Variants in HMGA1 observed in about 807,000 individuals in gnomAD.
The protein encoded by HMGA1 is high mobility group protein HMG-I/HMG-Y.
Under a neutral mutation model 15.1 loss-of-function variants are expected in HMGA1, and 1 was observed. The observed-to-expected ratio is 0.07, with a 90% CI of 0.02 to 0.31. The LOEUF is 0.31. Ranked by LOEUF, HMGA1 falls within the 10% of genes least tolerant of loss-of-function variation. HMGA1 has a pLI of 1.00. For synonymous variants in HMGA1, 56 were observed against 54.8 expected, an observed-to-expected ratio of 1.02 and a Z score of -0.10; for missense variants, 94 against 141.4, an observed-to-expected ratio of 0.66 and a Z score of 1.70.
At chr6:34,238,045 T>C (rs118012224) in intron 2 of HMGA1, among the ~76,000 whole-genome samples, 3,355 of 152,232 alleles carry the variant, frequency 0.022, 338 homozygotes, top group Admixed American at 0.17. Context: ...GTTTCTATTT[T>C]ATTTTCTTCT....
At position 34,246,192 on chromosome 6, in the gene HMGA1, A is replaced by T. The variant is rs919712523; in HGVS notation, c.*1308A>T. 10 of 264,330 alleles carry T rather than the reference A, an allele frequency of 3.8e-5. No individual in the cohort carries two copies. Among genetic ancestry groups the T allele is most frequent in the Non-Finnish European group, 7.2e-5 (10 of 138,650 alleles). The allele number at this position is 264,330 out of a possible 1,614,324, so 16.4% of individuals were successfully genotyped here. On this transcript the variant is annotated 3_prime_UTR_variant, in exon 6 of 6. Coordinates refer to ENST00000311487, the MANE Select transcript of HMGA1 (RefSeq NM_145899.3). ...CCTGGGGCTCCCTCTCTGGTTTCCT[A>T]TTTGCAGTTACTTGAATAAAAAAAA...
In HMGA1 at chr6:34,245,473, C is replaced by A; in HGVS notation, c.*589C>A. ...CACGTGGGGCTCACTTTTCATCCTT[C>A]CCCAACTTCCCTAGTCCCCGTACTA... On this transcript the variant is annotated 3_prime_UTR_variant, in exon 6 of 6. Transcript: ENST00000311487. 1.4e-6 allele frequency: 2 copies of A among 1,379,418 alleles called. No homozygotes were observed. The highest frequency in any genetic ancestry group is 1.9e-6 in the Non-Finnish European group (2 of 1,037,776). 85.4% of individuals were successfully genotyped at this position (1,379,418 alleles called of 1,614,324 possible).
At chr6:34,241,827 C>T (rs566242275) in intron 3 of HMGA1, among the ~76,000 whole-genome samples, 2 of 152,306 alleles carry the variant, frequency 1.3e-5, no homozygotes, top group East Asian at 1.9e-4. Context: ...CCTGTCCGTA[C>T]GGTGGAGAGT....
chr6:34,243,293 C>T (rs913924373), intron 4 of HMGA1, among the ~76,000 whole-genome samples, 175 bp from the exon 5 acceptor site: 2 of 151,994 alleles, frequency 1.3e-5, no homozygotes, highest in Non-Finnish European at 2.9e-5. Context: ...GTGTGTATGT[C>T]GAGGGGGCAA....
At chr6:34,242,879 G>A in intron 4 of HMGA1, 84 bp downstream of exon 4, 1 of 1,006,122 alleles carries the variant, frequency 9.9e-7, no homozygotes, top group Non-Finnish European at 1.5e-6. Flanking sequence ...CTGTGGGGAG[G>A]TCTGGGAAGG....
At chr6:34,242,065 G>A (rs375674770) in intron 3 of HMGA1, among the ~76,000 whole-genome samples, 84 of 152,286 alleles carry the variant, frequency 5.5e-4, no homozygotes, top group East Asian at 4.2e-3. Flanking sequence ...AGTAGCTGGC[G>A]CGCCTTCACC....
rs639861 is a variant in HMGA1, at chr6:34,240,964, G to A, written c.135+49G>A. ...ACTTGGTTTACCCTTTGGGGCTAGG[G>A]AGGTGCCTGGAGTTTCATTCAGCAG... On this transcript the variant is annotated intron_variant, in intron 3 of 5. Transcript: ENST00000311487. 677 of 1,607,242 alleles carry A rather than the reference G, an allele frequency of 4.2e-4. 2 individuals are homozygous for A. The highest frequency in any genetic ancestry group is 3.8e-3 in the South Asian group (348 of 90,716).
At position 34,244,869 on chromosome 6, in the gene HMGA1, G is replaced by A. The variant is rs370156140; in HGVS notation, c.309G>A (p.Ser103=). The A allele has an allele frequency of 7.0e-6, 11 of 1,564,428 alleles. No individual in the cohort carries two copies. Among genetic ancestry groups the A allele is most frequent in the East Asian group, 2.3e-5 (1 of 42,560 alleles). ...AGGAGGGCATCTCGCAGGAGTCCTC[G>A]GAGGAGGAGCAGTGACCCATGCGTG... ...EEEEGISQES[S]EEEQ is the part of the protein sequence containing the mutation. The change falls in exon 6 of 6, where the codon TCG becomes TCA. Residue 103 remains serine, a synonymous_variant. Transcript: ENST00000311487.
At chr6:34,242,180 C>G (rs866996529) in intron 3 of HMGA1, among the ~76,000 whole-genome samples, 13 of 152,246 alleles carry the variant, frequency 8.5e-5, no homozygotes, top group Middle Eastern at 3.4e-3. Context: ...CTATAATTCC[C>G]CTTCTCTGGG....
At chr6:34,238,454 A>AC (rs1273708385) in intron 2 of HMGA1, among the ~76,000 whole-genome samples, 1 of 152,136 alleles carries the variant, frequency 6.6e-6, no homozygotes, top group African/African-American at 2.4e-5. Context: ...TTGCTGTGTG[A>AC]CCTTAGGCAA....
At chr6:34,238,975 T>C (rs1240367153) in intron 2 of HMGA1, 2 of 152,174 alleles carry the variant, frequency 1.3e-5, no homozygotes, top group Non-Finnish European at 2.9e-5. Flanking sequence ...CTCGTTTAGT[T>C]GATTAATTTT....
Position 34,243,410 on chromosome 6 carries a change from A to G in HMGA1, c.220-58A>G, listed in dbSNP as rs1040234453. On this transcript the variant is annotated intron_variant, in intron 4 of 5. Coordinates refer to ENST00000311487, the MANE Select transcript of HMGA1 (RefSeq NM_145899.3). ...GGTCTGCCCCCCATCACTATTGGGC[A>G]TCGGGTGAGCACTGATGAGCATTTT... is the stretch of plus-strand genomic sequence containing the variant. The G allele has an allele frequency of 3.0e-5, 40 of 1,355,168 alleles. No homozygotes were observed. In the Admixed American group the frequency reaches 6.1e-4, roughly 21 times the overall value. The allele number at this position is 1,355,168 out of a possible 1,614,324, so 83.9% of individuals were successfully genotyped here. A position where few individuals can be genotyped will look rare whatever the true frequency, so the allele number is the denominator to read the frequency against.
At chr6:34,239,557 C>G (rs563030509) in intron 2 of HMGA1, among the ~76,000 whole-genome samples, 1 of 152,276 alleles carries the variant, frequency 6.6e-6, no homozygotes, top group South Asian at 2.1e-4. Flanking sequence ...TTACCTTGAT[C>G]TTACAGATTG....
chr6:34,244,892 G>C lies in HMGA1; in HGVS notation c.*8G>C, dbSNP rs373998742. The C allele has an allele frequency of 6.4e-7, 1 of 1,555,986 alleles. No individual in the cohort carries two copies. Among genetic ancestry groups the C allele is most frequent in the Non-Finnish European group, 8.7e-7 (1 of 1,150,072 alleles). On this transcript the variant is annotated 3_prime_UTR_variant, in exon 6 of 6. Transcript: ENST00000311487. ...TCGGAGGAGGAGCAGTGACCCATGC[G>C]TGCCGCCTGCTCCTCACTGGAGGAG...
chr6:34,238,000 C>T (rs1334321274), intron 2 of HMGA1, among the ~76,000 whole-genome samples: 3 of 152,272 alleles, frequency 2.0e-5, no homozygotes, highest in Non-Finnish European at 2.9e-5. Flanking sequence ...CGCTGCTTTG[C>T]TGGGCTCTGT....
chr6:34,240,647 T>C (rs1762227421), intron 2 of HMGA1, 90 bp from the exon 3 acceptor site: 1 of 1,059,136 alleles, frequency 9.4e-7, no homozygotes, highest in East Asian at 2.6e-5. Flanking sequence ...AGCACAGTTT[T>C]CTGCAGTGTG....
rs1362228144 is a variant in HMGA1, at chr6:34,236,894, G to C, written c.-228G>C. The C allele has an allele frequency of 1.3e-5, 2 of 152,506 alleles. No homozygotes were observed. The highest frequency in any genetic ancestry group is 6.5e-5 in the Admixed American group (1 of 15,286). The allele number at this position is 152,506 out of a possible 1,614,324, so 9.4% of individuals were successfully genotyped here. A position where few individuals can be genotyped will look rare whatever the true frequency, so the allele number is the denominator to read the frequency against. On this transcript the variant is annotated 5_prime_UTR_variant, in exon 1 of 6. Transcript: ENST00000311487. ...CGCTCTTTTTAAGCTCCCCTGAGCC[G>C]GTGCTGCGCTCCTCTAATTGGGACT...
intron 2 of HMGA1, among the ~76,000 whole-genome samples, chr6:34,237,885 G>A (rs1212586720): frequency 6.6e-6 from 1 of 152,070 alleles, no homozygotes; most frequent in African/African-American, 2.4e-5. Context: ...TGAGGCCGGA[G>A]CGCGGGCCTG....
At position 34,237,249 on chromosome 6, in the gene HMGA1, C is replaced by T. The variant is rs1313079619; in HGVS notation, c.-113C>T. 1 of 148,194 alleles carries T rather than the reference C, an allele frequency of 6.7e-6. No individual in the cohort carries two copies. Among genetic ancestry groups the T allele is most frequent in the South Asian group, 2.1e-4 (1 of 4,790 alleles). 9.2% of individuals were successfully genotyped at this position (148,194 alleles called of 1,614,324 possible). ...GCGGCCGCGGCGGAGCCAGGCCGGTCCTCAGCGCCCAGCACCGCCGCTCCC... is the reference window on the plus strand; with the variant it reads ...GCGGCCGCGGCGGAGCCAGGCCGGTTCTCAGCGCCCAGCACCGCCGCTCCC... On this transcript the variant is annotated 5_prime_UTR_variant, in exon 2 of 6. Coordinates refer to ENST00000311487, the MANE Select transcript of HMGA1 (RefSeq NM_145899.3).
Sources: gnomAD v4.1 joint callset for allele counts (sites outside exome capture counted in the v4.1 genomes callset) on GRCh38, gnomAD v4.1.1 for gene constraint, MANE v1.5 for transcripts, NCBI Gene and HGNC (gene_info 2026-07-23, HGNC 2026-07-21) for gene names.